DLC1: variants seen among roughly 807,000 people sequenced by gnomAD.
DLC1 encodes rho GTPase-activating protein 7.
A neutral mutation model predicts 140.3 loss-of-function variants in DLC1; 54 were observed. The observed-to-expected ratio is 0.38, with a 90% CI of 0.31 to 0.48. The LOEUF is 0.48. Ranked by LOEUF, DLC1 falls within the 20% of genes least tolerant of loss-of-function variation. The pLI, the probability that DLC1 is intolerant of heterozygous loss-of-function variation, is 0.96. For synonymous variants in DLC1, 986 were observed against 728.1 expected (o/e 1.35, Z -5.70); for missense variants, 2,536 against 1,907.0 (o/e 1.33, Z -6.14).
intron 3 of DLC1, among the ~76,000 whole-genome samples, chr8:13,400,284 G>T (rs940236670): frequency 1.3e-5 from 2 of 152,080 alleles, no homozygotes; most frequent in Non-Finnish European, 2.9e-5. Flanking sequence ...TGCTTGATCC[G>T]TGCGGTACTT....
intron 5 of DLC1, among the ~76,000 whole-genome samples, chr8:13,168,373 T>TATCTAGA (rs1825239116): frequency 6.6e-6 from 1 of 152,212 alleles, no homozygotes; most frequent in Admixed American, 6.5e-5. Context: ...GTTCCAGTTG[T>TATCTAGA]ACTTCAGTTC....
At chr8:13,579,900 A>G (rs990797945) in intron 1 of DLC1, among the ~76,000 whole-genome samples, 1 of 151,702 alleles carries the variant, frequency 6.6e-6, no homozygotes, top group African/African-American at 2.4e-5. Flanking sequence ...ACTCTCTAGA[A>G]TGGTGGCCAG....
In DLC1 at chr8:13,212,116, C is replaced by T. The variant is rs185923406; in HGVS notation, c.1348+93153G>A. ...TTATGTTATAAATATGTAAACATTCCGTAGAGAATTTCTATGTTAAGAAAT... is the reference window on the plus strand; with the variant it reads ...TTATGTTATAAATATGTAAACATTCTGTAGAGAATTTCTATGTTAAGAAAT... On this transcript the variant is annotated intron_variant, in intron 5 of 17. Coordinates refer to ENST00000276297, the MANE Select transcript of DLC1 (RefSeq NM_182643.3). 2.6e-5 allele frequency among the ~76,000 whole-genome samples: 4 copies of T among 152,142 alleles called. No individual in the cohort carries two copies. The East Asian group carries it at 5.8e-4, about 22-fold the overall frequency.
At chr8:13,349,356 T>G (rs1311269654) in intron 4 of DLC1, among the ~76,000 whole-genome samples, 1 of 152,108 alleles carries the variant, frequency 6.6e-6, no homozygotes, top group Non-Finnish European at 1.5e-5. Context: ...TTCACCTATC[T>G]TAGAGCCCTC....
intron 6 of DLC1, among the ~76,000 whole-genome samples, chr8:13,112,368 T>G (rs962687958): frequency 4.6e-5 from 7 of 152,226 alleles, no homozygotes; most frequent in Non-Finnish European, 1.0e-4. Context: ...TAATCTATTT[T>G]CTAGAGATAA....
At chr8:13,591,999 C>A (rs1273029368) in intron 1 of DLC1, among the ~76,000 whole-genome samples, 1 of 151,952 alleles carries the variant, frequency 6.6e-6, no homozygotes, top group African/African-American at 2.4e-5. Context: ...TTGGAGGTTG[C>A]AATCAGATAT....
rs1820469359 is a variant in DLC1, at chr8:13,115,463, A to G, written c.1420+123T>C. The G allele has an allele frequency of 3.2e-6, 3 of 941,244 alleles. No homozygotes were observed. In the African/African-American group the frequency reaches 5.0e-5, roughly 16 times the overall value. 58.3% of individuals were successfully genotyped at this position (941,244 alleles called of 1,614,324 possible). ...GGTGGGGGTCTTGCATGCTTACAAC[A>G]TTTTTTTTAAAAATAAAACATTTAA... On this transcript the variant is annotated intron_variant, in intron 6 of 17. Transcript: ENST00000276297.
At chr8:13,132,941 T>C (rs1403174114) in intron 5 of DLC1, 1 of 1,607,432 alleles carries the variant, frequency 6.2e-7, no homozygotes, top group Non-Finnish European at 8.5e-7. Context: ...AAGTCTAGCT[T>C]ACGTGTTAGG....
chr8:13,483,463 C>A (rs186951908), intron 2 of DLC1, among the ~76,000 whole-genome samples: 1 of 152,198 alleles, frequency 6.6e-6, no homozygotes, highest in East Asian at 1.9e-4. Flanking sequence ...CACAGAGACA[C>A]CTAGAAGGTG....
intron 5 of DLC1, among the ~76,000 whole-genome samples, chr8:13,197,412 G>A (rs1358191552): frequency 6.6e-6 from 1 of 151,788 alleles, no homozygotes; most frequent in African/African-American, 2.4e-5. Flanking sequence ...GCAGTGGCGT[G>A]ATCTCGGCTC....
intron 2 of DLC1, among the ~76,000 whole-genome samples, chr8:13,485,048 A>C (rs569460210): frequency 1.9e-4 from 29 of 152,294 alleles, no homozygotes; most frequent in African/African-American, 6.7e-4. Context: ...ATATAGAACA[A>C]CAATAAAAAT....
intron 4 of DLC1, among the ~76,000 whole-genome samples, chr8:13,306,542 TTGTGTGTGTGTGTGTTTGTGTGTGTGTG>T (rs1286887487): frequency 6.9e-6 from 1 of 145,222 alleles, no homozygotes; most frequent in Non-Finnish European, 1.5e-5. Context: ...AAATGGGTAT[TTGTGTGTGTGTGTGTTTGTGTGTGTGTG>T]TGTGTGTGTG....
chr8:13,363,598 A>G (rs1835344684), intron 4 of DLC1, among the ~76,000 whole-genome samples: 1 of 152,146 alleles, frequency 6.6e-6, no homozygotes, highest in African/African-American at 2.4e-5. Context: ...GTTTTACAAT[A>G]ATATAGAACC....
intron 4 of DLC1, among the ~76,000 whole-genome samples, chr8:13,349,173 C>T (rs1188417236): frequency 6.6e-6 from 1 of 151,934 alleles, no homozygotes; most frequent in Non-Finnish European, 1.5e-5. Context: ...GGATGAGGTG[C>T]AATGGGGGAA....
At chr8:13,355,913 T>A (rs1407224228) in intron 4 of DLC1, among the ~76,000 whole-genome samples, 1 of 147,814 alleles carries the variant, frequency 6.8e-6, no homozygotes, top group Non-Finnish European at 1.5e-5. Flanking sequence ...TGAAACCCCG[T>A]CTCTACTAAA....
chr8:13,565,528 G>C (rs145235373), intron 1 of DLC1, among the ~76,000 whole-genome samples: 140 of 152,208 alleles, frequency 9.2e-4, no homozygotes, highest in Admixed American at 1.5e-3. Context: ...ATAAAATTTG[G>C]GTTGAATAAA....
At position 13,106,595 on chromosome 8, in the gene DLC1, C is replaced by A. The variant is rs185763415; in HGVS notation, c.1503-3742G>T. On this transcript the variant is annotated intron_variant, in intron 7 of 17. Transcript: ENST00000276297. ...AACTCCTGGAGGCTCAAGGGATCCT[C>A]CCATCTTGGCCTCCCAAATTGTTGA... is the stretch of plus-strand genomic sequence containing the variant. Among the ~76,000 whole-genome samples the A allele has an allele frequency of 1.9e-4, 29 of 152,320 alleles. No homozygotes were observed. The East Asian group carries it at 5.4e-3, about 28-fold the overall frequency.
intron 1 of DLC1, among the ~76,000 whole-genome samples, chr8:13,507,875 T>A (rs773735411): frequency 6.6e-6 from 1 of 152,168 alleles, no homozygotes; most frequent in Non-Finnish European, 1.5e-5. Context: ...CAACGTTCCA[T>A]CAGGTTTAGT....
chr8:13,102,454 C>G (rs1819175730), intron 8 of DLC1, among the ~76,000 whole-genome samples: 3 of 152,110 alleles, frequency 2.0e-5, no homozygotes, highest in Non-Finnish European at 4.4e-5. Context: ...GGAAATAAAC[C>G]TCAGTTTATT....
Sources: gnomAD v4.1 joint callset for allele counts (sites outside exome capture counted in the v4.1 genomes callset) on GRCh38, gnomAD v4.1.1 for gene constraint, MANE v1.5 for transcripts, NCBI Gene and HGNC (gene_info 2026-07-23, HGNC 2026-07-21) for gene names.